Variants in VDR observed in about 807,000 individuals in gnomAD.
The protein encoded by VDR is vitamin D3 receptor.
Under a neutral mutation model 39.7 loss-of-function variants are expected in VDR, and 19 were observed. The observed-to-expected ratio is 0.48, with a 90% CI of 0.33 to 0.70. VDR has a LOEUF of 0.70. Ranked by LOEUF, VDR falls within the 30% of genes least tolerant of loss-of-function variation. The probability of loss-of-function intolerance (pLI) is 0.02; values close to 1 mark genes in which losing one functional copy is unlikely to be tolerated. For missense variants in VDR, 442 were observed against 570.5 expected, an observed-to-expected ratio of 0.77 and a Z score of 2.29; for synonymous variants, 242 against 215.8, an observed-to-expected ratio of 1.12 and a Z score of -1.07.
chr12:47,849,952 G>T (rs1171635189), intron 7 of VDR, among the ~76,000 whole-genome samples: 1 of 152,054 alleles, frequency 6.6e-6, no homozygotes, highest in Non-Finnish European at 1.5e-5. Flanking sequence ...CCGGGTTCAG[G>T]CAATTCTCCT....
chr12:47,858,907 G>A (rs1240068542), intron 4 of VDR, among the ~76,000 whole-genome samples: 1 of 152,216 alleles, frequency 6.6e-6, no homozygotes, highest in African/African-American at 2.4e-5. Flanking sequence ...TGCTGGGAGG[G>A]AGTGGACAGC....
rs1418665244 is a variant in VDR at position 47,843,091 on chromosome 12, A to G, written c.*1655T>C. 1 of 152,168 alleles carries G rather than the reference A, an allele frequency of 6.6e-6. No individual in the cohort carries two copies. Among genetic ancestry groups the G allele is most frequent in the African/African-American group, 2.4e-5 (1 of 41,424 alleles). The allele number at this position is 152,168 out of a possible 1,614,324, so 9.4% of individuals were successfully genotyped here. A position where few individuals can be genotyped will look rare whatever the true frequency, so the allele number is the denominator to read the frequency against. On this transcript the variant is annotated 3_prime_UTR_variant, in exon 10 of 10. Transcript: ENST00000549336. ...ATACAAATGGAGTCTGAGTCTGAAA[A>G]CAACTCATATCTAATAAATTTAAGA...
Position 47,844,912 on chromosome 12 carries a change from G to T in VDR, c.1118C>A (p.Pro373His), listed in dbSNP as rs867536387. 6.2e-7 allele frequency: 1 copy of T among 1,614,162 alleles called. No homozygotes were observed. Among genetic ancestry groups the T allele is most frequent in the East Asian group, 2.2e-5 (1 of 44,878 alleles). ...GGCATAGAGCAGGTGGCTGCCCGGG[G>T]GCGGGTGGCGGCAGCGGATGTACGT... Reference protein sequence around the residue: ...LQTYIRCRHPPPGSHLLYAKM... With the variant: ...LQTYIRCRHPHPGSHLLYAKM... The change falls in exon 10 of 10, where the codon CCC becomes CAC. Residue 373 changes from proline (P) to histidine (H), a missense_variant. Coordinates refer to ENST00000549336, the MANE Select transcript of VDR (RefSeq NM_000376.3).
intron 1 of VDR, among the ~76,000 whole-genome samples, chr12:47,898,932 C>A (rs1204074677): frequency 3.3e-5 from 5 of 152,014 alleles, no homozygotes; most frequent in Admixed American, 3.3e-4. Context: ...TGGGGAGAGG[C>A]AGAGGGGGCT....
At chr12:47,859,951 C>A (rs1247618147) in intron 4 of VDR, among the ~76,000 whole-genome samples, 1 of 136,656 alleles carries the variant, frequency 7.3e-6, no homozygotes, top group Non-Finnish European at 1.5e-5. Flanking sequence ...TTCTTTCTTT[C>A]TTTCTTTCTT....
At chr12:47,847,209 CCTT>C (rs1446740789) in intron 7 of VDR, among the ~76,000 whole-genome samples, 2 of 152,074 alleles carry the variant, frequency 1.3e-5, no homozygotes, top group African/African-American at 4.8e-5. Context: ...GTCCTCCAGT[CCTT>C]CTCAGTAGTA....
chr12:47,843,026 C>A lies in VDR; in HGVS notation c.*1720G>T, dbSNP rs965642325. On this transcript the variant is annotated 3_prime_UTR_variant, in exon 10 of 10. Coordinates refer to ENST00000549336, the MANE Select transcript of VDR (RefSeq NM_000376.3). ...GTAAGTTCTCCCCCCATAAATATCT[C>A]CAAATCAGTGGTACCTGCTACCCTG... 2.1e-4 allele frequency: 32 copies of A among 152,146 alleles called. No homozygotes were observed. The highest frequency in any genetic ancestry group is 7.2e-4 in the African/African-American group (30 of 41,412). The allele number at this position is 152,146 out of a possible 1,614,324, so 9.4% of individuals were successfully genotyped here.
intron 1 of VDR, among the ~76,000 whole-genome samples, chr12:47,885,003 G>T (rs1158444501): frequency 2.6e-5 from 4 of 152,148 alleles, no homozygotes; most frequent in Non-Finnish European, 2.9e-5. Flanking sequence ...GTGGGGCAAA[G>T]ACATAAGGTG....
rs1945231861 is a variant in VDR at position 47,844,383 on chromosome 12, AG to A, written c.*362del. 2.4e-6 allele frequency: 1 copy of A among 417,372 alleles called. No individual in the cohort carries two copies. Among genetic ancestry groups the A allele is most frequent in the Non-Finnish European group, 4.5e-6 (1 of 224,510 alleles). 25.9% of individuals were successfully genotyped at this position (417,372 alleles called of 1,614,324 possible). ...GGAGGTGCAGGTGTCTCTGTCCCTGAGGAATGGATGCATTTCTCCTGTCTGT... is the reference window on the plus strand; with the variant it reads ...GGAGGTGCAGGTGTCTCTGTCCCTGAGAATGGATGCATTTCTCCTGTCTGT... On this transcript the variant is annotated 3_prime_UTR_variant, in exon 10 of 10. Transcript: ENST00000549336.
Position 47,846,793 on chromosome 12 carries a change from C to G in VDR, c.771G>C (p.Glu257Asp), listed in dbSNP as rs369210822. 1.2e-6 allele frequency: 2 copies of G among 1,614,048 alleles called. No homozygotes were observed. The highest frequency in any genetic ancestry group is 2.7e-5 in the African/African-American group (2 of 74,918). ...MIPGFRDLTS[E>D]DQIVLLKSSA... ...TTGACTTCAGCAGTACGATCTGGTC[C>G]TCAGAGGTGAGGTCTCTGCAGGGGA... The change falls in exon 8 of 10, where the codon GAG becomes GAC. Residue 257 changes from glutamate to aspartate, a missense_variant. Glu to Asp is a conservative substitution (Grantham distance 45, BLOSUM62 2). Around this residue, in one of 5 missense-constraint regions of VDR, gnomAD observed 173 missense variants for 252.0 expected, o/e 0.69. Coordinates refer to ENST00000549336, the MANE Select transcript of VDR (RefSeq NM_000376.3).
rs370384465 is a variant in VDR, at chr12:47,889,319, C to T, written c.-83-6545G>A. ...GGATGTGGTGTGGGGTAGGAATGGG[C>T]CATGGAAGCTGGTGTGTACTCTCCC... On this transcript the variant is annotated intron_variant, in intron 1 of 9. Coordinates refer to ENST00000549336, the MANE Select transcript of VDR (RefSeq NM_000376.3). Among the ~76,000 whole-genome samples the T allele has an allele frequency of 5.3e-5, 8 of 152,186 alleles. No individual in the cohort carries two copies. The South Asian group carries it at 1.2e-3, about 24-fold the overall frequency.
intron 1 of VDR, among the ~76,000 whole-genome samples, chr12:47,886,389 T>C (rs1946252784): frequency 6.6e-6 from 1 of 152,190 alleles, no homozygotes; most frequent in African/African-American, 2.4e-5. Flanking sequence ...CATAATAATA[T>C]CATGGCCAGC....
chr12:47,851,449 C>T (rs1945386023), intron 7 of VDR, among the ~76,000 whole-genome samples: 1 of 152,094 alleles, frequency 6.6e-6, no homozygotes, highest in Admixed American at 6.5e-5. Context: ...TGGTCTCATG[C>T]CCCCACTGGA....
rs546136242 is a variant in VDR at position 47,882,677 on chromosome 12, G to A, written c.-3+17C>T. Reference sequence around the variant, plus strand: ...ACAGAAAGCCAGGGAAGTTGCGGCTGATGAGGAAACACCTACCTGAAGGAG... The same window carrying A: ...ACAGAAAGCCAGGGAAGTTGCGGCTAATGAGGAAACACCTACCTGAAGGAG... On this transcript the variant is annotated intron_variant, in intron 2 of 9. Coordinates refer to ENST00000549336, the MANE Select transcript of VDR (RefSeq NM_000376.3). The A allele has an allele frequency of 4.4e-5, 65 of 1,492,062 alleles. No individual in the cohort carries two copies. In the Admixed American group the frequency reaches 5.5e-4, roughly 13 times the overall value. The allele number at this position is 1,492,062 out of a possible 1,614,324, so 92.4% of individuals were successfully genotyped here. A position where few individuals can be genotyped will look rare whatever the true frequency, so the allele number is the denominator to read the frequency against.
At chr12:47,864,998 C>G (rs1360445785) in intron 4 of VDR, 49 bp downstream of exon 4, 2 of 1,609,272 alleles carry the variant, frequency 1.2e-6, no homozygotes, top group Admixed American at 3.3e-5. Flanking sequence ...CAAGGCCTTT[C>G]CCTGACTCCA....
intron 4 of VDR, 72 bp from the exon 5 acceptor site, chr12:47,857,760 G>C (rs1945522484): frequency 6.4e-7 from 1 of 1,554,238 alleles, no homozygotes; most frequent in African/African-American, 1.4e-5. Flanking sequence ...CTGCGGTTGG[G>C]GGTAAAGGTC....
At position 47,842,419 on chromosome 12, in the gene VDR, T is replaced by A. The variant is rs1272490185; in HGVS notation, c.*2327A>T. ...AGTGGGGGTCTGAGCTCAAACATGGTGTAGTGAAAAGGACACCGGACCATG... is the reference window on the plus strand; with the variant it reads ...AGTGGGGGTCTGAGCTCAAACATGGAGTAGTGAAAAGGACACCGGACCATG... On this transcript the variant is annotated 3_prime_UTR_variant, in exon 10 of 10. Coordinates refer to ENST00000549336, the MANE Select transcript of VDR (RefSeq NM_000376.3). 1 of 152,288 alleles carries A rather than the reference T, an allele frequency of 6.6e-6. No individual in the cohort carries two copies. Among genetic ancestry groups the A allele is most frequent in the African/African-American group, 2.4e-5 (1 of 41,422 alleles). 9.4% of individuals were successfully genotyped at this position (152,288 alleles called of 1,614,324 possible). A position where few individuals can be genotyped will look rare whatever the true frequency, so the allele number is the denominator to read the frequency against.
intron 1 of VDR, among the ~76,000 whole-genome samples, chr12:47,895,845 A>C (rs1284626748): frequency 6.6e-6 from 1 of 152,260 alleles, no homozygotes; most frequent in African/African-American, 2.4e-5. Context: ...TCCTGCCGGA[A>C]GCCTGCTGGG....
At chr12:47,887,207 A>T (rs1946271930) in intron 1 of VDR, among the ~76,000 whole-genome samples, 1 of 151,552 alleles carries the variant, frequency 6.6e-6, no homozygotes, top group Non-Finnish European at 1.5e-5. Flanking sequence ...CTGTAATCCC[A>T]GCTACTCAGG....
Sources: allele counts gnomAD v4.1 joint callset (sites outside exome capture counted in the v4.1 genomes callset), GRCh38; gene constraint gnomAD v4.1.1; regional missense constraint gnomAD v4.1.1; transcripts MANE v1.5; gene names NCBI Gene and HGNC (gene_info 2026-07-23, HGNC 2026-07-21).